KIF3A: variants seen among roughly 807,000 people sequenced by gnomAD.
KIF3A encodes the protein kinesin family member 3A.
Under a neutral mutation model 92.6 loss-of-function variants are expected in KIF3A, and 27 were observed. That is an observed-to-expected ratio of 0.29 (90% CI 0.21 to 0.40). The LOEUF (loss-of-function observed/expected upper bound fraction) is 0.40. Among genes scored for constraint, KIF3A ranks in the 10% least tolerant of loss-of-function variants. The pLI is 1.00. For synonymous variants in KIF3A, 250 were observed against 275.4 expected, an observed-to-expected ratio of 0.91 and a Z score of 0.92; for missense variants, 581 against 872.6, an observed-to-expected ratio of 0.67 and a Z score of 4.21.
chr5:132,717,164 T>C (rs1443576550), intron 5 of KIF3A, among the ~76,000 whole-genome samples, 180 bp from the exon 6 acceptor site: 1 of 152,190 alleles, frequency 6.6e-6, no homozygotes, highest in African/African-American at 2.4e-5. Flanking sequence ...TTATACTTTG[T>C]TGATAACAAA....
chr5:132,691,954 A>G (rs1752676308), downstream of KIF3A, among the ~76,000 whole-genome samples: 1 of 150,120 alleles, frequency 6.7e-6, no homozygotes, highest in African/African-American at 2.4e-5. Flanking sequence ...ATAAAATAAA[A>G]TAAAATTTAA....
At chr5:132,735,995 C>T (rs1007074958) in intron 1 of KIF3A, among the ~76,000 whole-genome samples, 5 of 152,212 alleles carry the variant, frequency 3.3e-5, no homozygotes, top group Non-Finnish European at 7.3e-5. Context: ...CATCTTCAAT[C>T]CCCTCTTCAC....
chr5:132,730,227 G>C (rs1156952141), intron 2 of KIF3A, among the ~76,000 whole-genome samples: 3 of 147,760 alleles, frequency 2.0e-5, no homozygotes, highest in Non-Finnish European at 4.5e-5. Context: ...AGCACTCCGG[G>C]AGGCCAAGGC....
intron 5 of KIF3A, among the ~76,000 whole-genome samples, chr5:132,718,505 TCA>T: frequency 6.6e-6 from 1 of 152,306 alleles, no homozygotes; most frequent in Non-Finnish European, 1.5e-5. Context: ...AGACGAGGTT[TCA>T]CCAGGTTGGC....
intron 2 of KIF3A, among the ~76,000 whole-genome samples, chr5:132,732,130 T>C (rs1262592476): frequency 6.6e-5 from 10 of 152,214 alleles, no homozygotes; most frequent in Admixed American, 1.3e-4. Flanking sequence ...AAAAATCAAC[T>C]GTGGGTACTA....
chr5:132,699,558 T>TTA, intron 17 of KIF3A: 1 of 503,030 alleles, frequency 2.0e-6, no homozygotes, highest in Non-Finnish European at 3.8e-6. Context: ...CCTCTTCTTC[T>TTA]TCTTTTTTTT....
At chr5:132,730,866 G>A (rs1331307397) in intron 2 of KIF3A, among the ~76,000 whole-genome samples, 1 of 151,138 alleles carries the variant, frequency 6.6e-6, no homozygotes, top group Non-Finnish European at 1.5e-5. Context: ...AGCTACTGGG[G>A]AGGCTGAGGT....
intron 10 of KIF3A, among the ~76,000 whole-genome samples, chr5:132,706,913 T>A (rs1272228614): frequency 6.6e-6 from 1 of 152,164 alleles, no homozygotes; most frequent in African/African-American, 2.4e-5. Flanking sequence ...ACTGTCCATA[T>A]CAAAAATGTC....
intron 15 of KIF3A, 50 bp downstream of exon 15, chr5:132,702,037 T>G: frequency 6.5e-7 from 1 of 1,534,882 alleles, no homozygotes; most frequent in South Asian, 1.2e-5. Context: ...AAATCTTTGT[T>G]CCTTAATCCC....
chr5:132,701,208 A>T (rs1041977554), intron 15 of KIF3A, among the ~76,000 whole-genome samples: 2 of 152,132 alleles, frequency 1.3e-5, no homozygotes, highest in African/African-American at 2.4e-5. Context: ...ACAGATTTTT[A>T]AAAAATTGGC....
intron 9 of KIF3A, among the ~76,000 whole-genome samples, chr5:132,710,417 C>A (rs1030487854): frequency 3.5e-4 from 53 of 152,114 alleles, no homozygotes; most frequent in African/African-American, 1.2e-3. Flanking sequence ...GAGATCAAGA[C>A]CAGCCTGGCT....
chr5:132,712,903 T>C (rs1030009902), intron 8 of KIF3A, among the ~76,000 whole-genome samples: 8 of 152,214 alleles, frequency 5.3e-5, no homozygotes, highest in Non-Finnish European at 8.8e-5. Flanking sequence ...CTCACGCCTG[T>C]AGTCCCAGCA....
chr5:132,716,454 C>T lies in KIF3A; in HGVS notation c.757-12G>A. 6.2e-7 allele frequency: 1 copy of T among 1,601,610 alleles called. No homozygotes were observed. The highest frequency in any genetic ancestry group is 8.5e-7 in the Non-Finnish European group (1 of 1,174,394). The stretch of plus-strand genomic sequence containing the variant: ...TGTCTTTCTGAACCCTAGCAATAAA[C>T]AGAGATGAAAGTAAAGCTAAAATTT... On this transcript the variant is annotated splice_polypyrimidine_tract_variant and intron_variant, in intron 6 of 18. Transcript: ENST00000403231.
Position 132,693,500 on chromosome 5 carries a change from G to C in KIF3A, c.*3134C>G, listed in dbSNP as rs1192647303. 6 of 152,592 alleles carry C rather than the reference G, an allele frequency of 3.9e-5. No individual in the cohort carries two copies. 9.5% of individuals were successfully genotyped at this position (152,592 alleles called of 1,614,324 possible). On this transcript the variant is annotated 3_prime_UTR_variant, in exon 19 of 19. Transcript: ENST00000403231. ...TATATGTGCCACTCATTTTAAATCT[G>C]CATATTTATTTCAAAAAATGAGCAA...
chr5:132,706,251 T>C (rs1486403634), intron 11 of KIF3A, among the ~76,000 whole-genome samples, 200 bp downstream of exon 11: 1 of 152,118 alleles, frequency 6.6e-6, no homozygotes, highest in Non-Finnish European at 1.5e-5. Context: ...AAACTTTGGC[T>C]TAATGAGTCT....
At chr5:132,701,559 A>T (rs532532024) in intron 15 of KIF3A, among the ~76,000 whole-genome samples, 7 of 152,092 alleles carry the variant, frequency 4.6e-5, no homozygotes, top group Non-Finnish European at 1.0e-4. Context: ...TGGAAAGACA[A>T]ATTTTGGATT....
At chr5:132,723,537 C>G (rs1053680930) in intron 4 of KIF3A, 3 of 152,126 alleles carry the variant, frequency 2.0e-5, no homozygotes, top group East Asian at 1.9e-4. Context: ...CTGACAAAAA[C>G]AAGAAATGGG....
intron 2 of KIF3A, among the ~76,000 whole-genome samples, chr5:132,726,986 T>C (rs1561710701): frequency 6.6e-6 from 1 of 152,218 alleles, no homozygotes; most frequent in Admixed American, 6.5e-5. Context: ...TCGCCATTGA[T>C]AGTAAGAACC....
In KIF3A at chr5:132,730,590, C is replaced by T. The variant is rs575130854; in HGVS notation, c.280+3615G>A. Among the ~76,000 whole-genome samples, 3 of 150,802 alleles carry T rather than the reference C, an allele frequency of 2.0e-5. No homozygotes were observed. The South Asian group carries it at 6.3e-4, about 32-fold the overall frequency. On this transcript the variant is annotated intron_variant, in intron 2 of 18. Coordinates refer to ENST00000403231, the MANE Select transcript of KIF3A (RefSeq NM_001300791.2). ...CTGGTTGAGTCCAGGAGTTCAAGAC[C>T]AGCTTAGAAAACATAGTGAGACCCT...
Sources: gnomAD v4.1 joint callset for allele counts (sites outside exome capture counted in the v4.1 genomes callset) on GRCh38, gnomAD v4.1.1 for gene constraint, MANE v1.5 for transcripts, NCBI Gene and HGNC (gene_info 2026-07-23, HGNC 2026-07-21) for gene names.